Variants in C18orf63 observed in about 807,000 individuals in gnomAD.
C18orf63 encodes the protein uncharacterized protein C18orf63.
A neutral mutation model predicts 75.3 loss-of-function variants in C18orf63; 50 were observed. The ratio of observed to expected loss-of-function variants is 0.66; its 90% confidence interval spans 0.53 to 0.84. The LOEUF (loss-of-function observed/expected upper bound fraction) is 0.84, where lower values mean the gene tolerates loss of function less well. Among genes scored for constraint, C18orf63 ranks in the 40% least tolerant of loss-of-function variants. The probability of loss-of-function intolerance (pLI) is 0.00; values close to 1 mark genes in which losing one functional copy is unlikely to be tolerated. For synonymous variants in C18orf63, 232 were observed against 267.6 expected (o/e 0.87, Z 1.30); for missense variants, 732 against 800.2 (o/e 0.91, Z 1.03).
rs562427517 is a variant in C18orf63, at chr18:74,337,989, T to C, written c.502-726T>C. Reference sequence around the variant, plus strand: ...ACATTGTTTCCCAAAAGATGTTAGGTGGTTGGTTAAGAATGGGGTAAGGGT... The same window carrying C: ...ACATTGTTTCCCAAAAGATGTTAGGCGGTTGGTTAAGAATGGGGTAAGGGT... On this transcript the variant is annotated intron_variant, in intron 7 of 13. Coordinates refer to ENST00000579455, the MANE Select transcript of C18orf63 (RefSeq NM_001174123.2). Among the ~76,000 whole-genome samples, 518 of 152,206 alleles carry C rather than the reference T, an allele frequency of 3.4e-3. 2 individuals carry two copies. Among genetic ancestry groups the C allele is most frequent in the African/African-American group, 0.012 (489 of 41,538 alleles).
At chr18:74,353,018 C>T (rs182532772) in intron 11 of C18orf63, among the ~76,000 whole-genome samples, 1 of 152,130 alleles carries the variant, frequency 6.6e-6, no homozygotes, top group East Asian at 1.9e-4. Flanking sequence ...TAGTATATAC[C>T]TTTATCTTAA....
At chr18:74,354,937 T>G (rs1044316257) in intron 13 of C18orf63, among the ~76,000 whole-genome samples, 2 of 152,216 alleles carry the variant, frequency 1.3e-5, no homozygotes, top group African/African-American at 4.8e-5. Context: ...GTTTCAAAGG[T>G]TAATCATTTA....
Position 74,342,119 on chromosome 18 carries a change from G to A in C18orf63, c.699G>A (p.Trp233Ter), listed in dbSNP as rs778076253. The A allele has an allele frequency of 6.7e-7, 1 of 1,503,622 alleles. No homozygotes were observed. Among genetic ancestry groups the A allele is most frequent in the Admixed American group, 2.0e-5 (1 of 50,756 alleles). The allele number at this position is 1,503,622 out of a possible 1,614,324, so 93.1% of individuals were successfully genotyped here. A position where few individuals can be genotyped will look rare whatever the true frequency, so the allele number is the denominator to read the frequency against. ...FHSYGDFQRH[W>*]DALYGYKLPG... ...CATATGGAGATTTCCAGAGACACTG[G>A]GATGCCCTGGTAAGGAATGGAAATA... Residue 233 changes from tryptophan to a stop codon, truncating the protein, a stop_gained, in exon 9 of 14, where the codon TGG (tryptophan) becomes TGA (stop). Transcript: ENST00000579455. LOFTEE classifies it high-confidence loss of function.
At chr18:74,327,505 C>T (rs1984228267) in intron 4 of C18orf63, among the ~76,000 whole-genome samples, 1 of 152,202 alleles carries the variant, frequency 6.6e-6, no homozygotes, top group African/African-American at 2.4e-5. Context: ...AAACTCTCTT[C>T]CTCCCCAGTT....
Position 74,353,297 on chromosome 18 carries a change from T to C in C18orf63, c.1030T>C (p.Ser344Pro), listed in dbSNP as rs758884284. The C allele has an allele frequency of 2.3e-5, 36 of 1,536,478 alleles. No homozygotes were observed. The South Asian group carries it at 4.0e-4, about 17-fold the overall frequency. ...NLTTKKMLRA[S>P]LTQATSRKPA... ...GACCACTAAAAAAATGCTTAGGGCA[T>C]CTCTGACTCAAGCCACTTCCAGAAA... Residue 344 changes from serine (S) to proline (P), a missense_variant, in exon 12 of 14, where the codon TCT (serine) becomes CCT (proline). Physicochemically the swap from Ser to Pro is moderately conservative, Grantham distance 74. This residue lies in a region of C18orf63 where 495 missense variants were observed against 508.7 expected (regional missense o/e 0.97). Transcript: ENST00000579455.
chr18:74,325,267 T>A (rs7237249), intron 4 of C18orf63, among the ~76,000 whole-genome samples: 22 of 152,092 alleles, frequency 1.4e-4, no homozygotes, highest in Non-Finnish European at 3.2e-4. Flanking sequence ...TTCTAATTCC[T>A]GTTTGATTTC....
intron 11 of C18orf63, among the ~76,000 whole-genome samples, chr18:74,347,358 C>T (rs1371704734): frequency 2.0e-5 from 3 of 152,232 alleles, no homozygotes; most frequent in African/African-American, 7.2e-5. Context: ...GGCCACTCTT[C>T]TGAGGAGCTC....
chr18:74,334,162 G>A (rs866905444), intron 7 of C18orf63, among the ~76,000 whole-genome samples: 2 of 152,000 alleles, frequency 1.3e-5, no homozygotes, highest in Non-Finnish European at 2.9e-5. Context: ...AAGTGACTGA[G>A]GCAGATCTCA....
intron 8 of C18orf63, among the ~76,000 whole-genome samples, chr18:74,340,855 G>A (rs1325583735): frequency 3.9e-5 from 6 of 152,078 alleles, no homozygotes; most frequent in Admixed American, 3.9e-4. Flanking sequence ...TGGGTAGGTG[G>A]GAGTGAAGGA....
intron 7 of C18orf63, among the ~76,000 whole-genome samples, chr18:74,338,153 G>A (rs1374973822): frequency 6.6e-6 from 1 of 152,102 alleles, no homozygotes; most frequent in African/African-American, 2.4e-5. Flanking sequence ...GGGTAAGAGA[G>A]CTGTAATTGG....
chr18:74,318,034 A>G (rs1984055998), intron 2 of C18orf63, 35 bp downstream of exon 2: 7 of 1,372,740 alleles, frequency 5.1e-6, no homozygotes, highest in African/African-American at 1.5e-5. Context: ...AGACTTTTAA[A>G]ACTTTGAGAC....
At chr18:74,354,646 A>G (rs1016266009) in intron 13 of C18orf63, 100 bp downstream of exon 13, 34 of 601,490 alleles carry the variant, frequency 5.7e-5, no homozygotes, top group Non-Finnish European at 1.5e-5. Context: ...AGCTACTTTT[A>G]AATTCTTTGA....
In C18orf63 at chr18:74,353,431, G is replaced by A; in HGVS notation, c.1164G>A (p.Gln388=). 2 of 1,536,346 alleles carry A rather than the reference G, an allele frequency of 1.3e-6. No homozygotes were observed. Among genetic ancestry groups the A allele is most frequent in the Non-Finnish European group, 1.7e-6 (2 of 1,146,960 alleles). The change falls in exon 12 of 14, where the codon CAG becomes CAA. Residue 388 remains glutamine, a synonymous_variant. Transcript: ENST00000579455. Reference sequence around the variant, plus strand: ...GCATTTTCTCAGCTTTGCATCTCCAGCCAGAGTCTGTTCAGGGTAGAAAGA... The same window carrying A: ...GCATTTTCTCAGCTTTGCATCTCCAACCAGAGTCTGTTCAGGGTAGAAAGA... ...TSGIFSALHL[Q]PESVQGRKKS... is the part of the protein sequence containing the mutation.
chr18:74,343,220 C>T (rs1270400332), intron 10 of C18orf63, among the ~76,000 whole-genome samples: 1 of 152,026 alleles, frequency 6.6e-6, no homozygotes, highest in African/African-American at 2.4e-5. Flanking sequence ...ATTGCTAAGG[C>T]TTATAGTATC....
intron 7 of C18orf63, among the ~76,000 whole-genome samples, chr18:74,332,101 T>G (rs1198166030): frequency 6.6e-6 from 1 of 152,162 alleles, no homozygotes; most frequent in African/African-American, 2.4e-5. Flanking sequence ...CTGTCTTTGT[T>G]TTCTGTCGCT....
In C18orf63 at chr18:74,318,008, A is replaced by G. The variant is rs1984055408; in HGVS notation, c.134+9A>G. The G allele has an allele frequency of 6.8e-7, 1 of 1,479,158 alleles. No individual in the cohort carries two copies. Among genetic ancestry groups the G allele is most frequent in the Non-Finnish European group, 9.0e-7 (1 of 1,115,518 alleles). The allele number at this position is 1,479,158 out of a possible 1,614,324, so 91.6% of individuals were successfully genotyped here. On this transcript the variant is annotated intron_variant, in intron 2 of 13. Transcript: ENST00000579455. ...CAAATGAAGATGTGCAGGTAAAAAA[A>G]TACATCTTATAACTAAGACTTTTAA...
At chr18:74,334,358 G>A (rs1178424188) in intron 7 of C18orf63, among the ~76,000 whole-genome samples, 1 of 151,944 alleles carries the variant, frequency 6.6e-6, no homozygotes, top group Non-Finnish European at 1.5e-5. Flanking sequence ...AGGCAATGAG[G>A]CAAATGGTTA....
chr18:74,339,232 C>T (rs929211977), intron 8 of C18orf63, among the ~76,000 whole-genome samples: 1 of 151,930 alleles, frequency 6.6e-6, no homozygotes, highest in African/African-American at 2.4e-5. Context: ...ATAAGCAGGA[C>T]TATTGGGATA....
At chr18:74,317,387 C>T (rs1051680644) in intron 1 of C18orf63, among the ~76,000 whole-genome samples, 4 of 152,188 alleles carry the variant, frequency 2.6e-5, no homozygotes, top group African/African-American at 4.8e-5. Context: ...TAAACATTTT[C>T]TGTCGTGTAC....
Sources: allele counts gnomAD v4.1 joint callset (sites outside exome capture counted in the v4.1 genomes callset), GRCh38; gene constraint gnomAD v4.1.1; regional missense constraint gnomAD v4.1.1; transcripts MANE v1.5; gene names NCBI Gene and HGNC (gene_info 2026-07-23, HGNC 2026-07-21).